Variants in POTEF observed in about 807,000 individuals in gnomAD.
POTEF encodes POTE ankyrin domain family member F, also known as ANKRD26-like family C member 1B.
Under a neutral mutation model 83.2 loss-of-function variants are expected in POTEF, and 20 were observed. That is an observed-to-expected ratio of 0.24 (90% CI 0.17 to 0.35). The LOEUF (loss-of-function observed/expected upper bound fraction) is 0.35, where lower values mean the gene tolerates loss of function less well. Ranked by LOEUF, POTEF falls within the 10% of genes least tolerant of loss-of-function variation. The pLI is 1.00. For synonymous variants in POTEF, 196 were observed against 446.4 expected (o/e 0.44, Z 7.07); for missense variants, 550 against 1,203.2 (o/e 0.46, Z 8.03).
At chr2:130,106,013 T>C (rs1355019698) in intron 8 of POTEF, among the ~76,000 whole-genome samples, 3 of 151,218 alleles carry the variant, frequency 2.0e-5, no homozygotes, top group Non-Finnish European at 4.4e-5. Context: ...GCCCTTTGCA[T>C]GCTTCTAAGT....
intron 8 of POTEF, among the ~76,000 whole-genome samples, chr2:130,105,336 G>C (rs1223608060): frequency 2.6e-5 from 4 of 151,570 alleles, no homozygotes; most frequent in African/African-American, 9.8e-5. Context: ...ACAAGTAGTT[G>C]AGATTCCTAA....
chr2:130,112,966 C>A (rs1684750724), intron 5 of POTEF, among the ~76,000 whole-genome samples: 1 of 151,812 alleles, frequency 6.6e-6, no homozygotes, highest in Non-Finnish European at 1.5e-5. Flanking sequence ...CTACTCACAG[C>A]AAATTTCTAA....
At chr2:130,121,024 GTGCAAGC>G in intron 2 of POTEF, among the ~76,000 whole-genome samples, 1 of 150,300 alleles carries the variant, frequency 6.7e-6, no homozygotes, top group African/African-American at 2.5e-5. Flanking sequence ...CGGCGTGCGC[GTGCAAGC>G]CGTTACAGGC....
intron 5 of POTEF, among the ~76,000 whole-genome samples, chr2:130,114,557 G>A (rs1342026779): frequency 2.8e-5 from 4 of 143,642 alleles, no homozygotes; most frequent in Non-Finnish European, 4.5e-5. Flanking sequence ...CCTATTTCAG[G>A]GCAAATTTTG....
intron 8 of POTEF, among the ~76,000 whole-genome samples, chr2:130,102,842 C>A (rs1304458367): frequency 6.6e-6 from 1 of 151,654 alleles, no homozygotes; most frequent in Non-Finnish European, 1.5e-5. Flanking sequence ...CTTCTGTAAG[C>A]TTGCCTACAT....
chr2:130,076,545 T>C (rs1159909502), intron 16 of POTEF, among the ~76,000 whole-genome samples: 2 of 147,392 alleles, frequency 1.4e-5, no homozygotes, highest in African/African-American at 2.6e-5. Context: ...AAAATACTTA[T>C]CAATAAATTA....
chr2:130,097,788 T>G (rs1421698846), intron 11 of POTEF, among the ~76,000 whole-genome samples: 1 of 150,426 alleles, frequency 6.6e-6, no homozygotes, highest in Non-Finnish European at 1.5e-5. Context: ...ATAAATGAAA[T>G]TTTTAAAATT....
At chr2:130,115,560 TG>T (rs1288642297) in intron 3 of POTEF, among the ~76,000 whole-genome samples, 3 of 152,120 alleles carry the variant, frequency 2.0e-5, no homozygotes, top group Non-Finnish European at 4.4e-5. Context: ...ACATTCAACG[TG>T]GGCTGGAATC....
At chr2:130,118,002 G>A (rs1169425109) in intron 3 of POTEF, among the ~76,000 whole-genome samples, 2 of 149,924 alleles carry the variant, frequency 1.3e-5, no homozygotes, top group South Asian at 2.1e-4. Flanking sequence ...ATGTAGTGGC[G>A]CGATCTCGGC....
chr2:130,102,563 T>G, intron 8 of POTEF, among the ~76,000 whole-genome samples: 1 of 148,060 alleles, frequency 6.8e-6, no homozygotes, highest in East Asian at 2.0e-4. Context: ...AGTCTGACTC[T>G]AAGGATAGTA....
rs1294902572 is a variant in POTEF, at chr2:130,085,640, T to C, written c.1778+174A>G. ...ACTGGTTATTTTTCAAATAAATTAA[T>C]GACTGGAAAAAAAACGGTAACTGAT... On this transcript the variant is annotated intron_variant, in intron 15 of 16. Transcript: ENST00000409914. Among the ~76,000 whole-genome samples, 4 of 74,472 alleles carry C rather than the reference T, an allele frequency of 5.4e-5. 2 individuals are homozygous for C. The highest frequency in any genetic ancestry group is 1.4e-4 in the African/African-American group (2 of 14,208). The allele number at this position is 74,472 out of a possible 152,430, so 48.9% of individuals were successfully genotyped here.
Position 130,074,959 on chromosome 2 carries a change from G to T in POTEF, c.2513C>A (p.Ala838Asp), listed in dbSNP as rs768356724. Residue 838 changes from alanine (A) to aspartate (D), a missense_variant, in exon 17 of 17, where the codon GCT becomes GAT. Ala to Asp is a moderately radical substitution (Grantham distance 126). Coordinates refer to ENST00000409914, the MANE Select transcript of POTEF (RefSeq NM_001099771.2). Reference sequence around the variant, plus strand: ...GCCAGAGGTGTACAGGGACAGCACAGCCTGGATGGCCACGTACATGGCTGG... The same window carrying T: ...GCCAGAGGTGTACAGGGACAGCACATCCTGGATGGCCACGTACATGGCTGG... ...NTPAMYVAIQ[A>D]VLSLYTSGRT... 6 of 1,611,698 alleles carry T rather than the reference G, an allele frequency of 3.7e-6. No individual in the cohort carries two copies. Among genetic ancestry groups the T allele is most frequent in the African/African-American group, 1.4e-5 (1 of 73,960 alleles).
intron 2 of POTEF, 65 bp from the exon 3 acceptor site, chr2:130,120,673 GCCCACCCCACCCAGGGAAAA>G (rs1684977671): frequency 7.8e-7 from 1 of 1,287,842 alleles, no homozygotes; most frequent in Non-Finnish European, 1.0e-6. Context: ...TTCCAGCCCA[GCCCACCCCACCCAGGGAAAA>G]CCCACACCCA....
chr2:130,102,759 A>G (rs1684408668), intron 8 of POTEF, among the ~76,000 whole-genome samples: 1 of 151,502 alleles, frequency 6.6e-6, no homozygotes, highest in African/African-American at 2.4e-5. Flanking sequence ...GTTGACCTTC[A>G]ATGCAGCTGC....
chr2:130,075,436 T>C lies in POTEF; in HGVS notation c.2036A>G (p.Asp679Gly). 1 of 1,611,510 alleles carries C rather than the reference T, an allele frequency of 6.2e-7. No individual in the cohort carries two copies. ...ATTCCTTTTTTTCACACTTTCAATA[T>C]CCTCCAAATATTTCTTTTCTCTTAG... Reference protein sequence around the residue: ...SQLREKKYLEDIESVKKRNDN... With the variant: ...SQLREKKYLEGIESVKKRNDN... Residue 679 changes from aspartate (D) to glycine (G), a missense_variant, in exon 17 of 17, where the codon GAT becomes GGT. Transcript: ENST00000409914.
intron 6 of POTEF, 63 bp downstream of exon 6, chr2:130,111,932 A>G (rs1487774366): frequency 1.4e-6 from 2 of 1,466,932 alleles, no homozygotes; most frequent in South Asian, 1.2e-5. Flanking sequence ...TATTAATTTA[A>G]TATTTATGAC....
Position 130,115,934 on chromosome 2 carries a change from A to G in POTEF, c.522-606T>C, listed in dbSNP as rs566171847. Among the ~76,000 whole-genome samples the G allele has an allele frequency of 6.6e-5, 10 of 152,144 alleles. No individual in the cohort carries two copies. In the South Asian group the frequency reaches 8.3e-4, roughly 13 times the overall value. On this transcript the variant is annotated intron_variant, in intron 3 of 16. Coordinates refer to ENST00000409914, the MANE Select transcript of POTEF (RefSeq NM_001099771.2). ...TACCACTTACAATTCATGATTTACT[A>G]TAATTGGCGGCATTTAAATAATTCT...
chr2:130,108,935 G>A (rs1000337861), intron 7 of POTEF, among the ~76,000 whole-genome samples: 10 of 151,088 alleles, frequency 6.6e-5, no homozygotes, highest in Non-Finnish European at 1.2e-4. Flanking sequence ...GCTGACATGG[G>A]AGACCAAAAG....
Position 130,074,011 on chromosome 2 carries a change from A to C in POTEF, c.*233T>G. On this transcript the variant is annotated 3_prime_UTR_variant, in exon 17 of 17. Coordinates refer to ENST00000409914, the MANE Select transcript of POTEF (RefSeq NM_001099771.2). ...ATATTTGGAATGACTATTGAAAAGAAGAACAAGGTACAATCAAAGTCCTTG... is the reference window on the plus strand; with the variant it reads ...ATATTTGGAATGACTATTGAAAAGACGAACAAGGTACAATCAAAGTCCTTG... 1 of 935,004 alleles carries C rather than the reference A, an allele frequency of 1.1e-6. No homozygotes were observed. The highest frequency in any genetic ancestry group is 2.7e-5 in the East Asian group (1 of 37,320). 57.9% of individuals were successfully genotyped at this position (935,004 alleles called of 1,614,324 possible).
Sources: allele counts gnomAD v4.1 joint callset (sites outside exome capture counted in the v4.1 genomes callset), GRCh38; gene constraint gnomAD v4.1.1; transcripts MANE v1.5; gene names NCBI Gene and HGNC (gene_info 2026-07-23, HGNC 2026-07-21).